TENM4: variants seen among roughly 807,000 people sequenced by gnomAD.
TENM4 encodes the protein teneurin transmembrane protein 4, also known as teneurin-4.
A neutral mutation model predicts 243.3 loss-of-function variants in TENM4; 82 were observed. That is an observed-to-expected ratio of 0.34 (90% CI 0.28 to 0.40). TENM4 has a LOEUF of 0.40. Ranked by LOEUF, TENM4 falls within the 10% of genes least tolerant of loss-of-function variation. TENM4 has a pLI of 1.00. For missense variants in TENM4, 3,138 were observed against 3,673.3 expected (o/e 0.85, Z 3.77); for synonymous variants, 1,412 against 1,456.3 (o/e 0.97, Z 0.69).
At chr11:79,171,490 G>C (rs1408880526) in intron 3 of TENM4, among the ~76,000 whole-genome samples, 1 of 152,172 alleles carries the variant, frequency 6.6e-6, no homozygotes, top group Admixed American at 6.5e-5. Flanking sequence ...CAAAAGCTTT[G>C]ATCTATGAAA....
At chr11:79,019,295 T>A (rs1481243479) in intron 6 of TENM4, among the ~76,000 whole-genome samples, 1 of 152,166 alleles carries the variant, frequency 6.6e-6, no homozygotes, top group African/African-American at 2.4e-5. Flanking sequence ...TGCAGCAGCA[T>A]GGTCACTAAC....
At position 78,786,949 on chromosome 11, in the gene TENM4, C is replaced by T. The variant is rs201592066; in HGVS notation, c.2314G>A (p.Asp772Asn). 142 of 1,604,314 alleles carry T rather than the reference C, an allele frequency of 8.9e-5. No homozygotes were observed. The highest frequency in any genetic ancestry group is 8.3e-4 in the African/African-American group (62 of 74,900). Residue 772 changes from aspartate to asparagine, a missense_variant, in exon 16 of 34, where the codon GAC (aspartate) becomes AAC (asparagine). This residue lies in a region of TENM4 where 2,467 missense variants were observed against 3,059.1 expected (regional missense o/e 0.81). Transcript: ENST00000278550. ...PRCAEHGTCR[D>N]GKCECSPGWN... is the part of the protein sequence containing the mutation. ...CCAGGGCTGCACTCGCACTTGCCGTCGCGGCAGGTCCCATGCTCGGCACAG... is the reference window on the plus strand; with the variant it reads ...CCAGGGCTGCACTCGCACTTGCCGTTGCGGCAGGTCCCATGCTCGGCACAG...
chr11:79,290,798 G>T (rs977360543), intron 2 of TENM4, among the ~76,000 whole-genome samples: 7 of 152,112 alleles, frequency 4.6e-5, no homozygotes, highest in Non-Finnish European at 1.0e-4. Context: ...TGTGCAACTG[G>T]AATGACACCA....
At chr11:78,824,667 A>G (rs1166789099) in intron 12 of TENM4, among the ~76,000 whole-genome samples, 3 of 128,284 alleles carry the variant, frequency 2.3e-5, no homozygotes, top group Non-Finnish European at 3.2e-5. Context: ...ACGTCCGACT[A>G]ATTTTTTGTA....
chr11:78,725,720 GC>G (rs1855495085), intron 23 of TENM4, among the ~76,000 whole-genome samples: 2 of 152,228 alleles, frequency 1.3e-5, no homozygotes, highest in Admixed American at 1.3e-4. Flanking sequence ...AGGAGTTCTT[GC>G]CAAAGAGACA....
intron 3 of TENM4, among the ~76,000 whole-genome samples, chr11:79,155,796 A>C (rs1456142735): frequency 6.8e-6 from 1 of 147,546 alleles, no homozygotes; most frequent in Non-Finnish European, 1.5e-5. Flanking sequence ...CCACTCTAAG[A>C]GTATCCTGGC....
At chr11:78,664,870 G>C (rs190987361) in intron 32 of TENM4, among the ~76,000 whole-genome samples, 1 of 152,210 alleles carries the variant, frequency 6.6e-6, no homozygotes, top group Admixed American at 6.5e-5. Flanking sequence ...AAACTAGGGG[G>C]CTGAGAAGAG....
chr11:78,657,891 T>C lies in TENM4; in HGVS notation c.*167A>G. On this transcript the variant is annotated 3_prime_UTR_variant, in exon 34 of 34. Transcript: ENST00000278550. Reference sequence around the variant, plus strand: ...GCAAAAAATGTGCGAAGGCCAAATCTGTGTTTTTCTTTTCTAAAAAAAAGG... The same window carrying C: ...GCAAAAAATGTGCGAAGGCCAAATCCGTGTTTTTCTTTTCTAAAAAAAAGG... 1.8e-6 allele frequency: 2 copies of C among 1,122,960 alleles called. No individual in the cohort carries two copies. The highest frequency in any genetic ancestry group is 1.9e-5 in the Admixed American group (1 of 54,016). 69.6% of individuals were successfully genotyped at this position (1,122,960 alleles called of 1,614,324 possible).
chr11:79,070,318 G>C (rs1860379501), intron 4 of TENM4, among the ~76,000 whole-genome samples: 1 of 152,176 alleles, frequency 6.6e-6, no homozygotes, highest in African/African-American at 2.4e-5. Flanking sequence ...TTCCTAGGTA[G>C]GAACCAAGCC....
chr11:79,147,148 G>C (rs1417750901), intron 4 of TENM4, among the ~76,000 whole-genome samples: 1 of 152,032 alleles, frequency 6.6e-6, no homozygotes, highest in Non-Finnish European at 1.5e-5. Flanking sequence ...GCAAAGTATT[G>C]ATACAGTCCA....
chr11:78,800,813 C>T (rs1421474492), intron 15 of TENM4, among the ~76,000 whole-genome samples: 2 of 151,234 alleles, frequency 1.3e-5, no homozygotes, highest in African/African-American at 4.9e-5. Flanking sequence ...TAGGAGAGAC[C>T]TTGGAGCCAG....
chr11:79,369,248 A>C (rs1397849282), intron 1 of TENM4, among the ~76,000 whole-genome samples: 1 of 152,186 alleles, frequency 6.6e-6, no homozygotes, highest in East Asian at 1.9e-4. Flanking sequence ...GATGCTTAAG[A>C]GCCTGGGCAA....
intron 1 of TENM4, among the ~76,000 whole-genome samples, chr11:79,360,020 G>GTCA (rs1857564783): frequency 6.6e-6 from 1 of 152,016 alleles, no homozygotes; most frequent in Non-Finnish European, 1.5e-5. Flanking sequence ...GATAAAAGTT[G>GTCA]TCATCAGCAT....
chr11:79,037,592 T>G (rs959939288), intron 6 of TENM4, among the ~76,000 whole-genome samples: 9 of 152,232 alleles, frequency 5.9e-5, no homozygotes, highest in African/African-American at 2.2e-4. Flanking sequence ...AGAGCTTAAG[T>G]CCATACACTT....
At chr11:79,211,797 AC>A (rs1486816543) in intron 3 of TENM4, among the ~76,000 whole-genome samples, 2 of 152,220 alleles carry the variant, frequency 1.3e-5, no homozygotes, top group African/African-American at 4.8e-5. Flanking sequence ...ATAAATGAAA[AC>A]CCTTTGGGGT....
chr11:78,750,314 A>G (rs1432397880), intron 19 of TENM4, among the ~76,000 whole-genome samples: 4 of 152,128 alleles, frequency 2.6e-5, no homozygotes, highest in Non-Finnish European at 5.9e-5. Flanking sequence ...TCTCTTTTTG[A>G]AAAGAATAGT....
rs1423220839 is a variant in TENM4, at chr11:79,331,653, C to T, written c.-320-34110G>A. ...AGCAGGAGGGAAACTCAACTCACTT[C>T]TAAGTGTTATACAAACGTAAGTGAC... On this transcript the variant is annotated intron_variant, in intron 1 of 33. Transcript: ENST00000278550. 2.6e-5 allele frequency among the ~76,000 whole-genome samples: 4 copies of T among 152,342 alleles called. No individual in the cohort carries two copies. The South Asian group carries it at 6.2e-4, about 24-fold the overall frequency.
At chr11:79,038,642 T>C (rs939965365) in intron 6 of TENM4, among the ~76,000 whole-genome samples, 1 of 152,230 alleles carries the variant, frequency 6.6e-6, no homozygotes, top group Non-Finnish European at 1.5e-5. Context: ...AACTCCTTTT[T>C]TTCTCTTCCG....
At chr11:78,949,030 C>G (rs1857063805) in intron 6 of TENM4, among the ~76,000 whole-genome samples, 1 of 152,128 alleles carries the variant, frequency 6.6e-6, no homozygotes. Flanking sequence ...CCTAATCTCC[C>G]CACTATAAAG....
Sources: allele counts gnomAD v4.1 joint callset (sites outside exome capture counted in the v4.1 genomes callset), GRCh38; gene constraint gnomAD v4.1.1; regional missense constraint gnomAD v4.1.1; transcripts MANE v1.5; gene names NCBI Gene and HGNC (gene_info 2026-07-23, HGNC 2026-07-21).